The following SLC30A5 variants were observed in gnomAD, a reference collection of about 807,000 sequenced individuals.
The protein encoded by SLC30A5 is solute carrier family 30 member 5, also known as proton-coupled zinc antiporter SLC30A5.
SLC30A5 carries 33 observed loss-of-function variants against 79.6 expected under a neutral mutation model. That is an observed-to-expected ratio of 0.41 (90% CI 0.31 to 0.55). The LOEUF (loss-of-function observed/expected upper bound fraction) is 0.55, where lower values mean the gene tolerates loss of function less well. Ranked by LOEUF, SLC30A5 falls within the 20% of genes least tolerant of loss-of-function variation. The pLI, the probability that SLC30A5 is intolerant of heterozygous loss-of-function variation, is 0.20. For missense variants in SLC30A5, 788 were observed against 928.1 expected, an observed-to-expected ratio of 0.85 and a Z score of 1.96; for synonymous variants, 299 against 319.7, an observed-to-expected ratio of 0.94 and a Z score of 0.69.
intron 14 of SLC30A5, among the ~76,000 whole-genome samples, chr5:69,127,473 C>CA (rs70989993): frequency 0.081 from 6,267 of 77,658 alleles, 417 homozygotes; most frequent in African/African-American, 0.2. Context: ...TACTAAAATA[C>CA]AAAAAAAAAA....
chr5:69,104,060 G>A, intron 3 of SLC30A5: 1 of 1,544,602 alleles, frequency 6.5e-7, no homozygotes, highest in Non-Finnish European at 8.7e-7. Flanking sequence ...TCATAAAATT[G>A]TACTCTGAAG....
chr5:69,131,031 A>G lies in SLC30A5; in HGVS notation c.*1414A>G, dbSNP rs778351646. 1 of 152,112 alleles carries G rather than the reference A, an allele frequency of 6.6e-6. No individual in the cohort carries two copies. The highest frequency in any genetic ancestry group is 2.4e-5 in the African/African-American group (1 of 41,450). 9.4% of individuals were successfully genotyped at this position (152,112 alleles called of 1,614,324 possible). ...GTCTTTTGCATATTTTTTGGCCAAA[A>G]TCTTCAATACATATTAAAATTTTTG... On this transcript the variant is annotated 3_prime_UTR_variant, in exon 16 of 16. Coordinates refer to ENST00000396591, the MANE Select transcript of SLC30A5 (RefSeq NM_022902.5).
intron 12 of SLC30A5, among the ~76,000 whole-genome samples, chr5:69,120,486 T>G (rs771475915): frequency 5.3e-5 from 8 of 152,228 alleles, no homozygotes; most frequent in Non-Finnish European, 1.2e-4. Context: ...AAATACACCA[T>G]TTTAAGCGTG....
intron 14 of SLC30A5, among the ~76,000 whole-genome samples, chr5:69,127,497 T>G (rs1746733433): frequency 1.5e-5 from 2 of 136,942 alleles, no homozygotes; most frequent in South Asian, 2.3e-4. Context: ...AAAAAAAAAT[T>G]TAGCCAGGCG....
In SLC30A5 at chr5:69,113,141, C is replaced by T. The variant is rs1317011913; in HGVS notation, c.449C>T (p.Thr150Ile). ...FTSSGGGPAK[T>I]RGAAFFIIAV... ...TGATGTTGTTTTCTTTATTTTCAGACAAGGGGAGCTGCTTTTTTCATTATT... is the reference window on the plus strand; with the variant it reads ...TGATGTTGTTTTCTTTATTTTCAGATAAGGGGAGCTGCTTTTTTCATTATT... The change falls in exon 6 of 16, where the codon ACA becomes ATA. Residue 150 changes from threonine to isoleucine, a missense_variant and splice_region_variant. This residue lies in a region of SLC30A5 where 626 missense variants were observed against 755.5 expected (regional missense o/e 0.83). Transcript: ENST00000396591. The T allele has an allele frequency of 3.1e-6, 5 of 1,611,428 alleles. No homozygotes were observed. The highest frequency in any genetic ancestry group is 4.2e-6 in the Non-Finnish European group (5 of 1,179,182).
At chr5:69,104,757 T>C in intron 4 of SLC30A5, 41 bp downstream of exon 4, 1 of 1,568,242 alleles carries the variant, frequency 6.4e-7, no homozygotes, top group Non-Finnish European at 8.7e-7. Flanking sequence ...TTTGTATTTC[T>C]TCATTTTGAA....
At position 69,104,623 on chromosome 5, in the gene SLC30A5, A is replaced by G. The variant is rs773565962; in HGVS notation, c.274-8A>G. 6.6e-7 allele frequency: 1 copy of G among 1,522,166 alleles called. No homozygotes were observed. 94.3% of individuals were successfully genotyped at this position (1,522,166 alleles called of 1,614,324 possible). ...TGAAATTTTTAATTTTTTTGTTTCC[A>G]TTTATAGTGGATCAAAATATTTAAA... On this transcript the variant is annotated splice_region_variant and splice_polypyrimidine_tract_variant and intron_variant, in intron 3 of 15. Coordinates refer to ENST00000396591, the MANE Select transcript of SLC30A5 (RefSeq NM_022902.5).
At chr5:69,127,252 G>T (rs1395871097) in intron 14 of SLC30A5, among the ~76,000 whole-genome samples, 2 of 152,080 alleles carry the variant, frequency 1.3e-5, no homozygotes, top group African/African-American at 4.8e-5. Context: ...ATGTGTCTAG[G>T]TCATGATTAG....
At chr5:69,122,297 C>T (rs113644460) in intron 13 of SLC30A5, among the ~76,000 whole-genome samples, 10 of 151,776 alleles carry the variant, frequency 6.6e-5, no homozygotes, top group South Asian at 4.2e-4. Context: ...CTCAGGAGGC[C>T]GAGGCAGAAG....
intron 3 of SLC30A5, among the ~76,000 whole-genome samples, chr5:69,103,646 T>C (rs1032937003): frequency 2.6e-5 from 4 of 152,240 alleles, no homozygotes; most frequent in Non-Finnish European, 4.4e-5. Flanking sequence ...TTAATACTTA[T>C]GAAGTTCTTA....
chr5:69,127,018 C>A (rs35501479), intron 14 of SLC30A5, among the ~76,000 whole-genome samples: 18 of 151,820 alleles, frequency 1.2e-4, no homozygotes, highest in African/African-American at 4.4e-4. Flanking sequence ...AAAAAACTTT[C>A]GTAATGTTTT....
intron 5 of SLC30A5, among the ~76,000 whole-genome samples, chr5:69,109,051 CATTT>C (rs1010108879): frequency 7.9e-5 from 12 of 152,260 alleles, no homozygotes; most frequent in Middle Eastern, 3.4e-3. Context: ...CCTCACCCTT[CATTT>C]AGTTTCCCCC....
chr5:69,115,924 A>T lies in SLC30A5; in HGVS notation c.784-2A>T, dbSNP rs1237377970. ...TTGACAATTCTTTTTTTTAATTTCT[A>T]GAGTAAAGTGGAGTCTTGGTTTTCT... On this transcript the variant is annotated splice_acceptor_variant, in intron 8 of 15. Coordinates refer to ENST00000396591, the MANE Select transcript of SLC30A5 (RefSeq NM_022902.5). LOFTEE classifies it high-confidence loss of function. 1 of 1,594,322 alleles carries T rather than the reference A, an allele frequency of 6.3e-7. No homozygotes were observed. Among genetic ancestry groups the T allele is most frequent in the Admixed American group, 1.8e-5 (1 of 55,878 alleles).
At chr5:69,099,600 T>A (rs1179412027) in intron 1 of SLC30A5, among the ~76,000 whole-genome samples, 1 of 152,140 alleles carries the variant, frequency 6.6e-6, no homozygotes, top group African/African-American at 2.4e-5. Flanking sequence ...CTCATTCCCC[T>A]CCTGAGGTGT....
intron 6 of SLC30A5, among the ~76,000 whole-genome samples, chr5:69,114,215 TTA>T (rs1486025436): frequency 6.6e-6 from 1 of 152,218 alleles, no homozygotes; most frequent in Non-Finnish European, 1.5e-5. Context: ...GCATTCCAGT[TTA>T]TAAATGAGGT....
intron 5 of SLC30A5, 31 bp downstream of exon 5, chr5:69,108,467 A>G (rs750206673): frequency 1.4e-6 from 2 of 1,410,128 alleles, no homozygotes; most frequent in Non-Finnish European, 2.0e-6. Context: ...TTACTTGGAA[A>G]TGGAAAGTAT....
At chr5:69,108,517 T>A in intron 5 of SLC30A5, 81 bp downstream of exon 5, 3 of 1,105,028 alleles carry the variant, frequency 2.7e-6, no homozygotes, top group Non-Finnish European at 4.1e-6. Flanking sequence ...ATCTTATCTT[T>A]CACCATTTAA....
intron 14 of SLC30A5, among the ~76,000 whole-genome samples, chr5:69,126,457 C>A (rs868736506): frequency 4.0e-5 from 6 of 150,934 alleles, no homozygotes; most frequent in African/African-American, 1.5e-4. Context: ...TTTTTTATTT[C>A]AATAATAATA....
intron 15 of SLC30A5, among the ~76,000 whole-genome samples, chr5:69,128,750 T>G: frequency 6.6e-6 from 1 of 152,312 alleles, no homozygotes; most frequent in East Asian, 1.9e-4. Context: ...TTATTATAAA[T>G]ATATTCCTAA....
Sources: gnomAD v4.1 joint callset for allele counts (sites outside exome capture counted in the v4.1 genomes callset) on GRCh38, gnomAD v4.1.1 for gene constraint, gnomAD v4.1.1 regional missense constraint, MANE v1.5 for transcripts, NCBI Gene and HGNC (gene_info 2026-07-23, HGNC 2026-07-21) for gene names.